CAPZA2: variants seen among roughly 807,000 people sequenced by gnomAD.
The protein encoded by CAPZA2 is F-actin-capping protein subunit alpha-2.
CAPZA2 carries 13 observed loss-of-function variants against 44.0 expected under a neutral mutation model. The ratio of observed to expected loss-of-function variants is 0.30; its 90% confidence interval spans 0.19 to 0.47. The LOEUF is 0.47. Among genes scored for constraint, CAPZA2 ranks in the 20% least tolerant of loss-of-function variants. The pLI is 1.00. For synonymous variants in CAPZA2, 94 were observed against 108.2 expected (o/e 0.87, Z 0.81); for missense variants, 244 against 338.6 (o/e 0.72, Z 2.19).
intron 1 of CAPZA2, among the ~76,000 whole-genome samples, chr7:116,867,464 T>A (rs908513632): frequency 6.6e-6 from 1 of 152,244 alleles, no homozygotes; most frequent in East Asian, 1.9e-4. Flanking sequence ...ATGGTATTCA[T>A]GGCCTTGTAT....
chr7:116,905,794 T>C (rs1438761481), intron 5 of CAPZA2, among the ~76,000 whole-genome samples: 1 of 152,192 alleles, frequency 6.6e-6, no homozygotes, highest in East Asian at 1.9e-4. Flanking sequence ...TCACAGGCAT[T>C]CTCTTAACGA....
intron 1 of CAPZA2, among the ~76,000 whole-genome samples, 199 bp from the exon 2 acceptor site, chr7:116,887,928 A>C (rs958198650): frequency 2.6e-5 from 4 of 152,256 alleles, no homozygotes; most frequent in African/African-American, 9.6e-5. Context: ...TTTTATCTAC[A>C]TTCAGTCTGT....
At chr7:116,887,619 G>C (rs373891065) in intron 1 of CAPZA2, among the ~76,000 whole-genome samples, 14 of 152,132 alleles carry the variant, frequency 9.2e-5, no homozygotes, top group African/African-American at 3.1e-4. Flanking sequence ...ATTATTTGAG[G>C]TCAGGAGTTG....
At chr7:116,878,475 A>G (rs181686888) in intron 1 of CAPZA2, among the ~76,000 whole-genome samples, 84 of 152,350 alleles carry the variant, frequency 5.5e-4, no homozygotes, top group Middle Eastern at 3.4e-3. Flanking sequence ...TTGAGAAATA[A>G]TGATGCATGT....
At chr7:116,900,224 A>T (rs1270712028) in intron 4 of CAPZA2, among the ~76,000 whole-genome samples, 1 of 151,974 alleles carries the variant, frequency 6.6e-6, no homozygotes, top group Non-Finnish European at 1.5e-5. Flanking sequence ...AAATAATTTT[A>T]GTTAAAATGT....
At chr7:116,895,319 C>T (rs921854314) in intron 3 of CAPZA2, among the ~76,000 whole-genome samples, 5 of 151,714 alleles carry the variant, frequency 3.3e-5, no homozygotes, top group African/African-American at 9.7e-5. Flanking sequence ...ACTCAAGATA[C>T]GTGAAAGTAT....
chr7:116,867,495 T>A (rs1796496632), intron 1 of CAPZA2, among the ~76,000 whole-genome samples: 1 of 152,184 alleles, frequency 6.6e-6, no homozygotes, highest in Non-Finnish European at 1.5e-5. Flanking sequence ...CCTAAATAGT[T>A]CTGACATTTT....
rs1791722636 is a variant in CAPZA2 at position 116,918,940 on chromosome 7, A to C, written c.*1073A>C. 1 of 152,166 alleles carries C rather than the reference A, an allele frequency of 6.6e-6. No homozygotes were observed. The highest frequency in any genetic ancestry group is 6.5e-5 in the Admixed American group (1 of 15,284). 9.4% of individuals were successfully genotyped at this position (152,166 alleles called of 1,614,324 possible). ...GTTCTACTGATGCTACAGGAATTTCAAGCCTGTGGTGAATGTTAGTATTTA... is the reference window on the plus strand; with the variant it reads ...GTTCTACTGATGCTACAGGAATTTCCAGCCTGTGGTGAATGTTAGTATTTA... On this transcript the variant is annotated 3_prime_UTR_variant, in exon 10 of 10. Coordinates refer to ENST00000361183, the MANE Select transcript of CAPZA2 (RefSeq NM_006136.3).
chr7:116,864,045 GATCCCCGTATCCACAAA>G (rs1796451422), intron 1 of CAPZA2, among the ~76,000 whole-genome samples: 1 of 152,140 alleles, frequency 6.6e-6, no homozygotes, highest in Admixed American at 6.6e-5. Flanking sequence ...CCAGTAGGCA[GATCCCCGTATCCACAAA>G]AGTTGCTGTA....
chr7:116,882,245 A>T (rs1246471203), intron 1 of CAPZA2, among the ~76,000 whole-genome samples: 1 of 152,138 alleles, frequency 6.6e-6, no homozygotes, highest in African/African-American at 2.4e-5. Flanking sequence ...GCCTCCCTTG[A>T]TGATTTTTTG....
rs773866358 is a variant in CAPZA2, at chr7:116,904,308, T to G, written c.351T>G (p.Val117=). The change falls in exon 5 of 10, where the codon GTT becomes GTG. Residue 117 remains valine, a synonymous_variant. Coordinates refer to ENST00000361183, the MANE Select transcript of CAPZA2 (RefSeq NM_006136.3). ...GACCCTGTGAAGTAGAAAATGCAGT[T>G]GAATCATGGAGAACTTCAGTAGAAA... is the stretch of plus-strand genomic sequence containing the variant. ...DPRPCEVENA[V]ESWRTSVETA... 6.2e-7 allele frequency: 1 copy of G among 1,613,538 alleles called. No individual in the cohort carries two copies. Among genetic ancestry groups the G allele is most frequent in the African/African-American group, 1.3e-5 (1 of 74,922 alleles).
intron 9 of CAPZA2, 81 bp from the exon 10 acceptor site, chr7:116,917,646 T>G (rs981470634): frequency 1.2e-5 from 12 of 997,540 alleles, no homozygotes; most frequent in African/African-American, 1.6e-5. Context: ...TAAATAAAAC[T>G]TATTCTGAAA....
chr7:116,893,117 G>T, intron 3 of CAPZA2, 72 bp downstream of exon 3: 3 of 998,738 alleles, frequency 3.0e-6, no homozygotes, highest in Non-Finnish European at 4.4e-6. Context: ...AAAGTGTGTG[G>T]GGGTTTTTTG....
At chr7:116,881,497 C>T (rs528241793) in intron 1 of CAPZA2, among the ~76,000 whole-genome samples, 23 of 151,994 alleles carry the variant, frequency 1.5e-4, no homozygotes, top group East Asian at 3.9e-4. Context: ...CCCAGCACTT[C>T]GGGAGGCCAA....
At chr7:116,865,664 C>A (rs959913231) in intron 1 of CAPZA2, among the ~76,000 whole-genome samples, 1 of 152,208 alleles carries the variant, frequency 6.6e-6, no homozygotes, top group Admixed American at 6.5e-5. Flanking sequence ...GCAGCCTCAA[C>A]TTCCTGGGCT....
Position 116,888,197 on chromosome 7 carries a change from G to A in CAPZA2, c.103+7G>A. Reference sequence around the variant, plus strand: ...TTTAATGAGGTTTTCAATGGTGAGTGTTTGATTTATAACACTAGGCTTGAT... The same window carrying A: ...TTTAATGAGGTTTTCAATGGTGAGTATTTGATTTATAACACTAGGCTTGAT... On this transcript the variant is annotated splice_region_variant and intron_variant, in intron 2 of 9. Transcript: ENST00000361183. 1.3e-6 allele frequency: 2 copies of A among 1,595,292 alleles called. No individual in the cohort carries two copies. The highest frequency in any genetic ancestry group is 1.7e-6 in the Non-Finnish European group (2 of 1,165,160).
intron 1 of CAPZA2, among the ~76,000 whole-genome samples, chr7:116,863,271 C>T (rs1796441621): frequency 6.6e-6 from 1 of 152,100 alleles, no homozygotes; most frequent in Non-Finnish European, 1.5e-5. Context: ...TTTCGTGGCT[C>T]TAGCAGTAAG....
At position 116,917,873 on chromosome 7, in the gene CAPZA2, A is replaced by G. The variant is rs1237604735; in HGVS notation, c.*6A>G. 1 of 1,610,018 alleles carries G rather than the reference A, an allele frequency of 6.2e-7. No homozygotes were observed. Among genetic ancestry groups the G allele is most frequent in the Non-Finnish European group, 8.5e-7 (1 of 1,176,368 alleles). ...AAGAGATGCAGAATGCATAAGATGA[A>G]CATTGCATGACCGGATCATTTTAGT... On this transcript the variant is annotated 3_prime_UTR_variant, in exon 10 of 10. Coordinates refer to ENST00000361183, the MANE Select transcript of CAPZA2 (RefSeq NM_006136.3).
chr7:116,905,273 C>T (rs1791479458), intron 5 of CAPZA2, among the ~76,000 whole-genome samples: 1 of 152,092 alleles, frequency 6.6e-6, no homozygotes. Context: ...GCTTCAGTGG[C>T]CTTTTCCATT....
Sources: allele counts gnomAD v4.1 joint callset (sites outside exome capture counted in the v4.1 genomes callset), GRCh38; gene constraint gnomAD v4.1.1; transcripts MANE v1.5; gene names NCBI Gene and HGNC (gene_info 2026-07-23, HGNC 2026-07-21).